The following CDK12 variants were observed in gnomAD, a reference collection of about 807,000 sequenced individuals.
The protein encoded by CDK12 is cyclin dependent kinase 12, also known as cyclin-dependent kinase 12.
In CDK12, 17 loss-of-function variants were observed where a neutral mutation model predicts 133.8. The observed-to-expected ratio is 0.13, with a 90% CI of 0.09 to 0.19. The LOEUF (loss-of-function observed/expected upper bound fraction) is 0.19, where lower values mean the gene tolerates loss of function less well. Among genes scored for constraint, CDK12 ranks in the 10% least tolerant of loss-of-function variants. CDK12 has a pLI of 1.00. For missense variants in CDK12, 1,508 were observed against 1,818.7 expected (o/e 0.83, Z 3.11); for synonymous variants, 694 against 683.6 (o/e 1.02, Z -0.24).
intron 2 of CDK12, among the ~76,000 whole-genome samples, chr17:39,555,292 C>A (rs2056111423): frequency 6.6e-6 from 1 of 152,140 alleles, no homozygotes; most frequent in Admixed American, 6.5e-5. Context: ...ATAAACATCC[C>A]ATCTTCAGTG....
Position 39,462,204 on chromosome 17 carries a change from C to T in CDK12, c.133C>T (p.His45Tyr), listed in dbSNP as rs964753901. ...RHRLVSKHKR[H>Y]KSKHSKDMGL... ...CCGCTTGGTATCGAAGCACAAGCGG[C>T]ATAAGTCCAAACACTCCAAAGACAT... The change falls in exon 1 of 14, where the codon CAT becomes TAT. Residue 45 changes from histidine to tyrosine, a missense_variant. His to Tyr is a moderately conservative substitution (Grantham distance 83, BLOSUM62 2). Around this residue, in one of 9 missense-constraint regions of CDK12, gnomAD observed 460 missense variants for 490.8 expected, o/e 0.94. Transcript: ENST00000447079. The T allele has an allele frequency of 3.7e-6, 6 of 1,614,166 alleles. No individual in the cohort carries two copies. The highest frequency in any genetic ancestry group is 1.1e-5 in the South Asian group (1 of 91,086).
At chr17:39,514,326 A>C (rs951013564) in intron 8 of CDK12, among the ~76,000 whole-genome samples, 9 of 152,250 alleles carry the variant, frequency 5.9e-5, no homozygotes, top group Admixed American at 3.9e-4. Flanking sequence ...TGCTACTTAA[A>C]AAGCTAGGTT....
At chr17:39,472,725 A>G (rs1360362822) in intron 2 of CDK12, among the ~76,000 whole-genome samples, 1 of 152,144 alleles carries the variant, frequency 6.6e-6, no homozygotes, top group East Asian at 1.9e-4. Flanking sequence ...TAATTACAAT[A>G]TCTTCATCAC....
upstream of CDK12, among the ~76,000 whole-genome samples, chr17:39,543,360 G>T (rs186939384): frequency 6.6e-6 from 1 of 152,174 alleles, no homozygotes; most frequent in Non-Finnish European, 1.5e-5. Context: ...TCTCAGTCTG[G>T]TGCCAAGATG....
In CDK12 at chr17:39,479,338, T is replaced by A. The variant is rs1442914909; in HGVS notation, c.1931+7575T>A. Reference sequence around the variant, plus strand: ...AAAAAAAAAAAAAAAAATCTAAAAGTTTTGTAAGGAGCTCACTTATATTCT... The same window carrying A: ...AAAAAAAAAAAAAAAAATCTAAAAGATTTGTAAGGAGCTCACTTATATTCT... On this transcript the variant is annotated intron_variant, in intron 2 of 13. Transcript: ENST00000447079. Among the ~76,000 whole-genome samples the A allele has an allele frequency of 1.2e-4, 18 of 150,056 alleles. 1 individual carries two copies. In the East Asian group the frequency reaches 3.3e-3, roughly 28 times the overall value.
intron 2 of CDK12, among the ~76,000 whole-genome samples, chr17:39,488,863 A>G (rs554273758): frequency 2.2e-4 from 34 of 151,848 alleles, no homozygotes; most frequent in Non-Finnish European, 4.3e-4. Flanking sequence ...TGATGCTCCC[A>G]CCCCAGGACT....
intron 1 of CDK12, 134 bp downstream of exon 1, chr17:39,463,251 C>A: frequency 1.3e-6 from 1 of 774,710 alleles, no homozygotes; most frequent in Non-Finnish European, 2.1e-6. Flanking sequence ...CTAGTCATTC[C>A]AGTGTGTGAA....
chr17:39,461,492 C>T lies in CDK12; in HGVS notation c.-580C>T, dbSNP rs559896613. 6.4e-5 allele frequency: 15 copies of T among 234,220 alleles called. No homozygotes were observed. The Admixed American group carries it at 6.7e-4, about 11-fold the overall frequency. 14.5% of individuals were successfully genotyped at this position (234,220 alleles called of 1,614,324 possible). A position where few individuals can be genotyped will look rare whatever the true frequency, so the allele number is the denominator to read the frequency against. ...TGCCCCTCCCCCCTTCCCCAAGTGCCGTTTCGGTTTAATCTAGTGTGTGAC... is the reference window on the plus strand; with the variant it reads ...TGCCCCTCCCCCCTTCCCCAAGTGCTGTTTCGGTTTAATCTAGTGTGTGAC... On this transcript the variant is annotated 5_prime_UTR_variant, in exon 1 of 14. Coordinates refer to ENST00000447079, the MANE Select transcript of CDK12 (RefSeq NM_016507.4).
chr17:39,522,760 T>A (rs1433853511), intron 11 of CDK12, among the ~76,000 whole-genome samples: 2 of 151,970 alleles, frequency 1.3e-5, no homozygotes, highest in Non-Finnish European at 2.9e-5. Context: ...ATGTAAGAAA[T>A]AAGATCTTTC....
At chr17:39,476,800 C>T (rs758458674) in intron 2 of CDK12, among the ~76,000 whole-genome samples, 1 of 139,644 alleles carries the variant, frequency 7.2e-6, no homozygotes, top group Non-Finnish European at 1.5e-5. Context: ...TCAGCTCACG[C>T]AACCTCCGCC....
At chr17:39,524,937 TTTGA>T (rs747722240) in intron 12 of CDK12, 52 bp downstream of exon 12, 14 of 1,500,820 alleles carry the variant, frequency 9.3e-6, no homozygotes, top group Non-Finnish European at 1.2e-5. Flanking sequence ...TTTGGCAGGT[TTTGA>T]AGGTCAAGTG....
chr17:39,559,523 C>T (rs1331331268), intron 3 of CDK12, among the ~76,000 whole-genome samples: 2 of 152,170 alleles, frequency 1.3e-5, no homozygotes, highest in Admixed American at 6.5e-5. Flanking sequence ...CCCTTGACAC[C>T]ACTAATCTGT....
chr17:39,502,168 T>C (rs1217101334), intron 6 of CDK12, among the ~76,000 whole-genome samples: 1 of 148,584 alleles, frequency 6.7e-6, no homozygotes, highest in Non-Finnish European at 1.5e-5. Context: ...TTGTTTGTTT[T>C]TTGAAACGGA....
chr17:39,533,556 G>C lies in CDK12; in HGVS notation c.*2240G>C, dbSNP rs769311961. On this transcript the variant is annotated 3_prime_UTR_variant, in exon 14 of 14. Coordinates refer to ENST00000447079, the MANE Select transcript of CDK12 (RefSeq NM_016507.4). The stretch of plus-strand genomic sequence containing the variant: ...TCTCTATATATTTCATTGTATTTTG[G>C]TTATCAGCAGTCATCAATAATGTTT... The C allele has an allele frequency of 1.3e-5, 3 of 232,932 alleles. No individual in the cohort carries two copies. Among genetic ancestry groups the C allele is most frequent in the Non-Finnish European group, 1.7e-5 (2 of 117,928 alleles). The allele number at this position is 232,932 out of a possible 1,614,324, so 14.4% of individuals were successfully genotyped here. A position where few individuals can be genotyped will look rare whatever the true frequency, so the allele number is the denominator to read the frequency against.
intron 2 of CDK12, among the ~76,000 whole-genome samples, chr17:39,479,024 A>G (rs1207984424): frequency 7.6e-4 from 115 of 152,058 alleles, no homozygotes; most frequent in Non-Finnish European, 2.2e-4. Flanking sequence ...AAAGAAATCT[A>G]ATGGCCGGGT....
At chr17:39,521,812 TCAGCCTCCCAAAGTG>T (rs1408985284) in intron 11 of CDK12, among the ~76,000 whole-genome samples, 1 of 151,808 alleles carries the variant, frequency 6.6e-6, no homozygotes, top group African/African-American at 2.4e-5. Context: ...TCTGCCTGCC[TCAGCCTCCCAAAGTG>T]TTGGGATTAC....
chr17:39,514,148 G>A (rs546101488), intron 8 of CDK12, among the ~76,000 whole-genome samples: 1 of 151,964 alleles, frequency 6.6e-6, no homozygotes, highest in African/African-American at 2.4e-5. Context: ...TTCCCACCTC[G>A]GCCTCACCAA....
At chr17:39,489,069 C>T (rs909551841) in intron 2 of CDK12, among the ~76,000 whole-genome samples, 1 of 151,650 alleles carries the variant, frequency 6.6e-6, no homozygotes, top group Non-Finnish European at 1.5e-5. Context: ...TACACCACCA[C>T]ACCCAGTTAA....
intron 6 of CDK12, among the ~76,000 whole-genome samples, chr17:39,506,009 A>T (rs570510702): frequency 6.6e-6 from 1 of 152,224 alleles, no homozygotes; most frequent in Non-Finnish European, 1.5e-5. Flanking sequence ...TTTTCACTGA[A>T]AAAGGTCATT....
Sources: allele counts gnomAD v4.1 joint callset (sites outside exome capture counted in the v4.1 genomes callset), GRCh38; gene constraint gnomAD v4.1.1; regional missense constraint gnomAD v4.1.1; transcripts MANE v1.5; gene names NCBI Gene and HGNC (gene_info 2026-07-23, HGNC 2026-07-21).